The following MORC1 variants were observed in gnomAD, a reference collection of about 807,000 sequenced individuals.
The protein encoded by MORC1 is MORC family CW-type zinc finger 1, also known as MORC family CW-type zinc finger protein 1.
MORC1 carries 59 observed loss-of-function variants against 134.9 expected under a neutral mutation model. The ratio of observed to expected loss-of-function variants is 0.44; its 90% CI spans 0.35 to 0.54. The LOEUF (loss-of-function observed/expected upper bound fraction) is 0.54, where lower values mean the gene tolerates loss of function less well. MORC1 is among the 20% of genes least tolerant of loss of function. The pLI, the probability that MORC1 is intolerant of heterozygous loss-of-function variation, is 0.00. For synonymous variants in MORC1, 395 were observed against 391.7 expected (o/e 1.01, Z -0.10); for missense variants, 947 against 1,134.5 (o/e 0.83, Z 2.37).
At chr3:109,090,370 C>G (rs1399714345) in intron 8 of MORC1, among the ~76,000 whole-genome samples, 1 of 152,056 alleles carries the variant, frequency 6.6e-6, no homozygotes, top group Non-Finnish European at 1.5e-5. Context: ...GTAATCCCAG[C>G]ACTTTGGGAG....
intron 8 of MORC1, among the ~76,000 whole-genome samples, chr3:109,083,274 A>C (rs2107737828): frequency 6.7e-6 from 1 of 150,364 alleles, no homozygotes; most frequent in East Asian, 2.0e-4. Flanking sequence ...TGCTAAAAGT[A>C]TTTTTTCAAT....
intron 17 of MORC1, among the ~76,000 whole-genome samples, chr3:109,008,544 T>C (rs537868876): frequency 3.0e-4 from 45 of 152,030 alleles, no homozygotes; most frequent in African/African-American, 9.4e-4. Flanking sequence ...CTATTACTAG[T>C]ATGATTGTCT....
intron 7 of MORC1, 129 bp downstream of exon 7, chr3:109,094,780 T>C: frequency 1.2e-6 from 1 of 853,972 alleles, no homozygotes; most frequent in Non-Finnish European, 1.7e-6. Flanking sequence ...ATAAAATAAA[T>C]GACTGTCCCC....
chr3:109,004,206 T>C (rs1411109240), intron 20 of MORC1, among the ~76,000 whole-genome samples: 2 of 152,236 alleles, frequency 1.3e-5, no homozygotes, highest in African/African-American at 4.8e-5. Context: ...CAGCAGATAT[T>C]TGCTAATTAA....
At chr3:108,973,589 GTTTTGGT>G (rs1323598562) in intron 24 of MORC1, among the ~76,000 whole-genome samples, 4 of 105,658 alleles carry the variant, frequency 3.8e-5, no homozygotes, top group African/African-American at 1.4e-4. Flanking sequence ...TGTTTGCTTT[GTTTTGGT>G]TTTTTTTTTT....
intron 22 of MORC1, among the ~76,000 whole-genome samples, chr3:108,986,566 A>G (rs985659062): frequency 2.0e-5 from 3 of 152,166 alleles, no homozygotes; most frequent in Non-Finnish European, 2.9e-5. Flanking sequence ...TATTGACCTG[A>G]TATCAATCCT....
In MORC1 at chr3:109,112,615, C is replaced by T. The variant is rs564666819; in HGVS notation, c.119+1769G>A. 1.4e-4 allele frequency among the ~76,000 whole-genome samples: 22 copies of T among 152,294 alleles called. No individual in the cohort carries two copies. The South Asian group carries it at 2.7e-3, about 19-fold the overall frequency. ...AAGGCATGGGCTGGTCCCAAGAGAG[C>T]ACCTGCTACTCACCTCCAGCCCCTG... On this transcript the variant is annotated intron_variant, in intron 2 of 27. Transcript: ENST00000232603.
intron 3 of MORC1, among the ~76,000 whole-genome samples, chr3:109,109,252 A>G (rs1353700282): frequency 6.6e-6 from 1 of 151,968 alleles, no homozygotes; most frequent in East Asian, 1.9e-4. Context: ...ATTGCCTTGT[A>G]TATTACATAT....
At chr3:109,111,527 T>C (rs1951169534) in intron 2 of MORC1, among the ~76,000 whole-genome samples, 2 of 152,194 alleles carry the variant, frequency 1.3e-5, no homozygotes. Context: ...AATTCACAGA[T>C]ATTATTTTTG....
intron 3 of MORC1, among the ~76,000 whole-genome samples, chr3:109,108,415 T>C (rs1351662746): frequency 6.6e-6 from 1 of 152,156 alleles, no homozygotes; most frequent in African/African-American, 2.4e-5. Context: ...CAATTGTGCA[T>C]GTGCTCTGAA....
intron 8 of MORC1, among the ~76,000 whole-genome samples, chr3:109,092,833 G>A (rs188425085): frequency 1.3e-5 from 2 of 152,186 alleles, no homozygotes; most frequent in East Asian, 3.9e-4. Flanking sequence ...GTAGTATTCT[G>A]AGACTAAAAA....
intron 20 of MORC1, among the ~76,000 whole-genome samples, chr3:109,004,334 CA>C (rs1037525688): frequency 1.3e-5 from 2 of 152,118 alleles, no homozygotes; most frequent in African/African-American, 4.8e-5. Context: ...CATTAGAAGT[CA>C]AATGTGATGG....
At chr3:109,102,803 G>A (rs1194700164) in intron 4 of MORC1, among the ~76,000 whole-genome samples, 1 of 152,118 alleles carries the variant, frequency 6.6e-6, no homozygotes, top group Non-Finnish European at 1.5e-5. Context: ...GGCTAGAAGT[G>A]AAAAATTACT....
intron 21 of MORC1, 72 bp from the exon 22 acceptor site, chr3:108,987,021 G>A: frequency 9.0e-7 from 1 of 1,112,134 alleles, no homozygotes; most frequent in Non-Finnish European, 1.3e-6. Flanking sequence ...AAAAGACCTT[G>A]AAAAGCAGTG....
rs996718708 is a variant in MORC1, at chr3:109,065,130, C to A, written c.816-1899G>T. On this transcript the variant is annotated intron_variant, in intron 9 of 27. Coordinates refer to ENST00000232603, the MANE Select transcript of MORC1 (RefSeq NM_014429.4). ...CTAGAATACAGTAATAGTATCTATC[C>A]TACCTCAACTTCCCTCCTTTCTTCT... 1.4e-4 allele frequency among the ~76,000 whole-genome samples: 22 copies of A among 152,124 alleles called. 1 individual carries two copies. The highest frequency in any genetic ancestry group is 5.3e-4 in the African/African-American group (22 of 41,430).
chr3:108,983,033 A>C (rs1275636276), intron 23 of MORC1, among the ~76,000 whole-genome samples: 1 of 152,200 alleles, frequency 6.6e-6, no homozygotes, highest in African/African-American at 2.4e-5. Flanking sequence ...TCCAAAAAAA[A>C]AACAATCTCA....
At chr3:109,058,185 G>A (rs1448785959) in intron 12 of MORC1, among the ~76,000 whole-genome samples, 1 of 152,168 alleles carries the variant, frequency 6.6e-6, no homozygotes, top group East Asian at 1.9e-4. Context: ...ATGCCTGGAT[G>A]TGAGAGGCAC....
chr3:109,045,530 G>A (rs553499307), intron 14 of MORC1, among the ~76,000 whole-genome samples: 2 of 152,314 alleles, frequency 1.3e-5, no homozygotes, highest in South Asian at 4.1e-4. Context: ...CCGTTTATCA[G>A]GAAGAATTGC....
intron 8 of MORC1, among the ~76,000 whole-genome samples, 155 bp from the exon 9 acceptor site, chr3:109,069,912 A>AT (rs1014859553): frequency 7.9e-5 from 12 of 152,198 alleles, no homozygotes; most frequent in African/African-American, 2.9e-4. Context: ...ACACCAGCAA[A>AT]TATCACAACA....
Sources: gnomAD v4.1 joint callset for allele counts (sites outside exome capture counted in the v4.1 genomes callset) on GRCh38, gnomAD v4.1.1 for gene constraint, MANE v1.5 for transcripts, NCBI Gene and HGNC (gene_info 2026-07-23, HGNC 2026-07-21) for gene names.